The following FGF14 variants were observed in gnomAD, a reference collection of about 807,000 sequenced individuals.
The protein encoded by FGF14 is fibroblast growth factor homologous factor 4.
FGF14 carries 5 observed loss-of-function variants against 25.5 expected under a neutral mutation model. The observed-to-expected ratio is 0.20, with a 90% CI of 0.10 to 0.41. The LOEUF (loss-of-function observed/expected upper bound fraction) is 0.41. FGF14 is among the 10% of genes least tolerant of loss of function. The probability of loss-of-function intolerance (pLI) is 1.00; values close to 1 mark genes in which losing one functional copy is unlikely to be tolerated. For missense variants in FGF14, 222 were observed against 320.1 expected, an observed-to-expected ratio of 0.69 and a Z score of 2.34; for synonymous variants, 138 against 118.3, an observed-to-expected ratio of 1.17 and a Z score of -1.08.
At chr13:102,370,952 C>A (rs2057863942) in intron 1 of FGF14, among the ~76,000 whole-genome samples, 1 of 147,046 alleles carries the variant, frequency 6.8e-6, no homozygotes, top group Non-Finnish European at 1.5e-5. Context: ...AAAAAAAAAC[C>A]AACAGAAAAA....
chr13:102,145,181 T>C (rs2046803809), intron 1 of FGF14, among the ~76,000 whole-genome samples: 1 of 152,228 alleles, frequency 6.6e-6, no homozygotes, highest in South Asian at 2.1e-4. Context: ...GGTTGAGCCC[T>C]CCTTAGCACT....
chr13:102,021,094 G>C (rs1197283723), intron 1 of FGF14, among the ~76,000 whole-genome samples: 1 of 151,946 alleles, frequency 6.6e-6, no homozygotes, highest in Non-Finnish European at 1.5e-5. Flanking sequence ...TAAGTGGAGG[G>C]AAGAAAAACA....
At chr13:101,823,698 A>G (rs1037086263) in intron 3 of FGF14, among the ~76,000 whole-genome samples, 1 of 150,750 alleles carries the variant, frequency 6.6e-6, no homozygotes, top group African/African-American at 2.4e-5. Flanking sequence ...CGGCCTCCCA[A>G]ACTGCTGGGA....
chr13:102,109,243 C>G (rs1351654530), intron 1 of FGF14, among the ~76,000 whole-genome samples: 1 of 152,098 alleles, frequency 6.6e-6, no homozygotes, highest in East Asian at 1.9e-4. Flanking sequence ...GCAGAGTAGA[C>G]TGGTAATTAC....
At chr13:101,911,016 C>A (rs879746346) in intron 1 of FGF14, among the ~76,000 whole-genome samples, 2 of 151,758 alleles carry the variant, frequency 1.3e-5, no homozygotes, top group Non-Finnish European at 2.9e-5. Flanking sequence ...TAAATTATAT[C>A]TAAGAAAAAT....
rs189047550 is a variant in FGF14, at chr13:102,034,084, T to C, written c.209-158788A>G. On this transcript the variant is annotated intron_variant, in intron 1 of 4. Coordinates refer to the FGF14 transcript ENST00000376131. ...TTTCTGGGATCAATGCACTATTTTA[T>C]CTAACAGCAGGAAAGGAGAAGACTG... Among the ~76,000 whole-genome samples, 251 of 152,212 alleles carry C rather than the reference T, an allele frequency of 1.6e-3. 3 individuals are homozygous for C. Among genetic ancestry groups the C allele is most frequent in the African/African-American group, 5.6e-3 (234 of 41,540 alleles).
At chr13:102,257,924 T>G (rs1237925110) in intron 1 of FGF14, among the ~76,000 whole-genome samples, 3 of 152,180 alleles carry the variant, frequency 2.0e-5, no homozygotes, top group Admixed American at 2.0e-4. Context: ...TAGCTGTGTA[T>G]TAGTCTGTTC....
chr13:102,126,352 A>G (rs1199378248), intron 1 of FGF14, among the ~76,000 whole-genome samples: 3 of 152,176 alleles, frequency 2.0e-5, no homozygotes, highest in African/African-American at 7.2e-5. Flanking sequence ...TATTTCACTG[A>G]GCATAATGTT....
chr13:102,024,737 T>A (rs2139890481), intron 1 of FGF14, among the ~76,000 whole-genome samples: 1 of 152,094 alleles, frequency 6.6e-6, no homozygotes, highest in African/African-American at 2.4e-5. Flanking sequence ...AGTTTTATAG[T>A]TTAGGTCGAT....
chr13:101,779,431 T>G (rs1174005407), intron 3 of FGF14, among the ~76,000 whole-genome samples: 1 of 152,190 alleles, frequency 6.6e-6, no homozygotes, highest in Non-Finnish European at 1.5e-5. Flanking sequence ...CCTAGTAAGG[T>G]TCACTTCTTT....
intron 3 of FGF14, among the ~76,000 whole-genome samples, chr13:101,727,073 TA>T (rs1268375980): frequency 6.6e-6 from 1 of 152,146 alleles, no homozygotes; most frequent in Non-Finnish European, 1.5e-5. Context: ...AGATTTAACT[TA>T]AACAGAAGAC....
intron 1 of FGF14, among the ~76,000 whole-genome samples, chr13:102,248,340 G>T (rs985471875): frequency 6.6e-6 from 1 of 151,966 alleles, no homozygotes; most frequent in African/African-American, 2.4e-5. Flanking sequence ...CTTTCTTTTT[G>T]ACTCTTAGAA....
At position 102,161,570 on chromosome 13, in the gene FGF14, A is replaced by AAGAAAGAAGAAAGAAGAAAG; in HGVS notation, c.208+239900_208+239901insCTTTCTTCTTTCTTCTTTCT. Reference sequence around the variant, plus strand: ...TCTATGCAACCAACTTTCTGTGAAGAAAGAAAGAAGAAGAAGAAGAAGAAG... The same window carrying AAGAAAGAAGAAAGAAGAAAG: ...TCTATGCAACCAACTTTCTGTGAAGAAGAAAGAAGAAAGAAGAAAGAAGAAAGAAGAAGAAGAAGAAGAAG... On this transcript the variant is annotated intron_variant, in intron 1 of 4. Coordinates refer to the FGF14 transcript ENST00000376131. 1.1e-3 allele frequency among the ~76,000 whole-genome samples: 6 copies of AAGAAAGAAGAAAGAAGAAAG among 5,652 alleles called. 1 individual carries two copies. The Admixed American group carries it at 0.016, about 15-fold the overall frequency. The allele number at this position is 5,652 out of a possible 152,430, so 3.7% of individuals were successfully genotyped here.
intron 3 of FGF14, among the ~76,000 whole-genome samples, chr13:101,757,065 A>C (rs1015649246): frequency 9.2e-5 from 14 of 152,194 alleles, no homozygotes; most frequent in African/African-American, 3.4e-4. Context: ...GTTATAACAC[A>C]AATGTTTTAC....
At chr13:102,144,092 T>C (rs7987403) in intron 1 of FGF14, among the ~76,000 whole-genome samples, 3,766 of 152,254 alleles carry the variant, frequency 0.025, 134 homozygotes, top group African/African-American at 0.086. Flanking sequence ...TATAGCTCAC[T>C]ATAGCCTTAA....
intron 1 of FGF14, among the ~76,000 whole-genome samples, chr13:101,993,210 A>C (rs2038999492): frequency 2.0e-5 from 3 of 151,124 alleles, no homozygotes; most frequent in Non-Finnish European, 3.0e-5. Context: ...AAAAACCCAC[A>C]CAAACAAAAA....
At chr13:102,100,693 A>C (rs1201948254) in intron 1 of FGF14, among the ~76,000 whole-genome samples, 1 of 152,250 alleles carries the variant, frequency 6.6e-6, no homozygotes, top group African/African-American at 2.4e-5. Flanking sequence ...CATACACAGC[A>C]TGGGAGCCAC....
chr13:102,037,794 T>C (rs1159171756), intron 1 of FGF14, among the ~76,000 whole-genome samples: 1 of 152,150 alleles, frequency 6.6e-6, no homozygotes, highest in Non-Finnish European at 1.5e-5. Flanking sequence ...AGCCTAGTAA[T>C]GGATTCCTGT....
chr13:101,794,973 A>G (rs896460859), intron 3 of FGF14, among the ~76,000 whole-genome samples: 1 of 152,296 alleles, frequency 6.6e-6, no homozygotes, highest in South Asian at 2.1e-4. Flanking sequence ...TTTTAATTTC[A>G]AAAATGTACT....
Sources: allele counts gnomAD v4.1 joint callset (sites outside exome capture counted in the v4.1 genomes callset), GRCh38; gene constraint gnomAD v4.1.1; transcripts MANE v1.5; gene names NCBI Gene and HGNC (gene_info 2026-07-23, HGNC 2026-07-21).